Variants in PRDM15 observed in about 807,000 individuals in gnomAD.
PRDM15 encodes the protein PR domain zinc finger protein 15.
A neutral mutation model predicts 128.6 loss-of-function variants in PRDM15; 64 were observed. That is an observed-to-expected ratio of 0.50 (90% CI 0.41 to 0.61). The LOEUF (loss-of-function observed/expected upper bound fraction) is 0.61, where lower values mean the gene tolerates loss of function less well. PRDM15 is among the 20% of genes least tolerant of loss of function. The pLI, the probability that PRDM15 is intolerant of heterozygous loss-of-function variation, is 0.00. For missense variants in PRDM15, 1,242 were observed against 1,569.1 expected, an observed-to-expected ratio of 0.79 and a Z score of 3.52; for synonymous variants, 615 against 621.8, an observed-to-expected ratio of 0.99 and a Z score of 0.16.
At chr21:41,801,849 C>T (rs980276400) in intron 23 of PRDM15, 127 bp from the exon 24 acceptor site, 33 of 1,092,844 alleles carry the variant, frequency 3.0e-5, no homozygotes, top group South Asian at 2.1e-4. Flanking sequence ...AAGAGGAAAC[C>T]GAGTTAATTT....
chr21:41,842,080 TAATA>T (rs1429183952), intron 6 of PRDM15, among the ~76,000 whole-genome samples: 2 of 152,038 alleles, frequency 1.3e-5, no homozygotes, highest in African/African-American at 2.4e-5. Context: ...AAAAAGCAAA[TAATA>T]AATAAGAGCA....
chr21:41,828,828 C>A lies in PRDM15; in HGVS notation c.1367-495G>T, dbSNP rs946553656. 5.9e-5 allele frequency among the ~76,000 whole-genome samples: 9 copies of A among 152,032 alleles called. No homozygotes were observed. Among genetic ancestry groups the A allele is most frequent in the African/African-American group, 2.2e-4 (9 of 41,348 alleles). On this transcript the variant is annotated intron_variant, in intron 11 of 23. Coordinates refer to ENST00000398548, the MANE Select transcript of PRDM15 (RefSeq NM_001040424.3). This position sits in a 1 kb window ranked among gnomAD's most constrained non-coding sequence, Gnocchi z 5.7. ...TGTTGGCCCCTCCCAACTCCTTCCC[C>A]GTGGGCGGGCATCAATGTGCCCATA... is the stretch of plus-strand genomic sequence containing the variant.
intron 1 of PRDM15, among the ~76,000 whole-genome samples, chr21:41,866,016 C>T (rs1285102898): frequency 1.3e-5 from 2 of 152,184 alleles, no homozygotes; most frequent in Non-Finnish European, 2.9e-5. Flanking sequence ...TTTTGGATTA[C>T]AGGTATGAGA....
In PRDM15 at chr21:41,859,967, A is replaced by G. The variant is rs1031097519; in HGVS notation, c.38-282T>C. 1.3e-5 allele frequency among the ~76,000 whole-genome samples: 2 copies of G among 152,098 alleles called. No individual in the cohort carries two copies. Among genetic ancestry groups the G allele is most frequent in the Admixed American group, 6.5e-5 (1 of 15,276 alleles). On this transcript the variant is annotated intron_variant, in intron 2 of 23. Transcript: ENST00000398548. The surrounding 1 kb of genome is among the most constrained non-coding windows in gnomAD (Gnocchi z 5.3). ...CGCACGCCTCAAATCAAGCACGGTC[A>G]CCTCCATGGTGACGAAGACCAAGAC...
Position 41,859,729 on chromosome 21 carries a change from C to T in PRDM15, c.38-44G>A. 2 of 1,546,968 alleles carry T rather than the reference C, an allele frequency of 1.3e-6. No homozygotes were observed. Among genetic ancestry groups the T allele is most frequent in the Non-Finnish European group, 1.8e-6 (2 of 1,124,460 alleles). ...GCATTAGAGCACCCAGGGAGGGAGA[C>T]ACCTAAAGAACACAAACCTGGGAAA... On this transcript the variant is annotated intron_variant, in intron 2 of 23. Transcript: ENST00000398548. This position sits in a 1 kb window ranked among gnomAD's most constrained non-coding sequence, Gnocchi z 5.3.
At chr21:41,816,647 C>T (rs2146336561) in intron 18 of PRDM15, among the ~76,000 whole-genome samples, 1 of 152,318 alleles carries the variant, frequency 6.6e-6, no homozygotes, top group African/African-American at 2.4e-5. Flanking sequence ...TCCACCCTCA[C>T]CAGATGCAGG....
rs1021762895 is a variant in PRDM15, at chr21:41,832,427, C to G, written c.1366+3010G>C. Among the ~76,000 whole-genome samples, 3 of 151,924 alleles carry G rather than the reference C, an allele frequency of 2.0e-5. No homozygotes were observed. The highest frequency in any genetic ancestry group is 7.3e-5 in the African/African-American group (3 of 41,336). ...GCCACACCTTACAGCGCTGTGGCAT[C>G]GGATCACCACAGGCCACACCTTACA... On this transcript the variant is annotated intron_variant, in intron 11 of 23. Transcript: ENST00000398548. The surrounding 1 kb of genome is among the most constrained non-coding windows in gnomAD (Gnocchi z 4.2).
intron 6 of PRDM15, among the ~76,000 whole-genome samples, chr21:41,840,084 T>C (rs575515280): frequency 8.5e-5 from 13 of 152,236 alleles, no homozygotes; most frequent in South Asian, 6.2e-4. Context: ...GAGGGCAGTT[T>C]AGTGAAAAAA....
At chr21:41,822,082 G>A (rs746075928) in intron 14 of PRDM15, 45 bp from the exon 15 acceptor site, 17 of 1,610,106 alleles carry the variant, frequency 1.1e-5, no homozygotes, top group African/African-American at 6.7e-5. Context: ...CGCAGCAGAC[G>A]CTTCACTCAG....
chr21:41,815,908 C>T, intron 18 of PRDM15, 72 bp from the exon 19 acceptor site: 5 of 1,587,076 alleles, frequency 3.2e-6, no homozygotes, highest in Non-Finnish European at 4.3e-6. Flanking sequence ...GCCCGAGACC[C>T]TGGGGCAGGC....
In PRDM15 at chr21:41,806,257, ATCACCACCAC is replaced by A. The variant is rs1349544840; in HGVS notation, c.2653-1653_2653-1644del. Among the ~76,000 whole-genome samples the A allele has an allele frequency of 6.7e-3, 24 of 3,594 alleles. 5 individuals carry two copies. Among genetic ancestry groups the A allele is most frequent in the African/African-American group, 0.02 (5 of 256 alleles). The allele number at this position is 3,594 out of a possible 152,430, so 2.4% of individuals were successfully genotyped here. A position where few individuals can be genotyped will look rare whatever the true frequency, so the allele number is the denominator to read the frequency against. On this transcript the variant is annotated intron_variant, in intron 21 of 23. Coordinates refer to ENST00000398548, the MANE Select transcript of PRDM15 (RefSeq NM_001040424.3). ...CACTACCACCATCACCACCACCACCATCACCACCACCCATCACCACCACCACCATCACCAT... is the reference window on the plus strand; with the variant it reads ...CACTACCACCATCACCACCACCACCACCATCACCACCACCACCATCACCAT...
At chr21:41,873,778 C>T (rs1457968288) in intron 1 of PRDM15, among the ~76,000 whole-genome samples, 1 of 152,192 alleles carries the variant, frequency 6.6e-6, no homozygotes, top group Non-Finnish European at 1.5e-5. Context: ...GGCACGGTGG[C>T]TTATACCTGT....
At chr21:41,863,500 C>T (rs1280920112) in intron 1 of PRDM15, among the ~76,000 whole-genome samples, 1 of 152,160 alleles carries the variant, frequency 6.6e-6, no homozygotes, top group Non-Finnish European at 1.5e-5. Context: ...CACCTGCCAT[C>T]ACAGTAAGAC....
chr21:41,836,264 G>T, intron 9 of PRDM15, 57 bp from the exon 10 acceptor site: 1 of 1,508,298 alleles, frequency 6.6e-7, no homozygotes, highest in Non-Finnish European at 9.2e-7. Context: ...ACCGAGAGAA[G>T]CATGCCCACC....
intron 9 of PRDM15, 64 bp from the exon 10 acceptor site, chr21:41,836,271 C>T (rs902273702): frequency 6.7e-7 from 1 of 1,490,136 alleles, no homozygotes; most frequent in Non-Finnish European, 9.3e-7. Context: ...GAAGCATGCC[C>T]ACCGGGGAAA....
rs1171290695 is a variant in PRDM15 at position 41,854,798 on chromosome 21, G to A, written c.306C>T (p.His102=). The change falls in exon 5 of 24, where the codon CAC becomes CAT. Residue 102 remains histidine (H), a synonymous_variant. Transcript: ENST00000398548. The surrounding 1 kb of genome is among the most constrained non-coding windows in gnomAD (Gnocchi z 4.6). ...CGTTGGAGGTGTCGAAGCACACGGG[G>A]TGCCCGTCCTTCTGGAACACCTGAA... ...FPLKVFQKDG[H]PVCFDTSNED... is the part of the protein sequence containing the mutation. 6.2e-7 allele frequency: 1 copy of A among 1,602,954 alleles called. No homozygotes were observed.
chr21:41,874,525 A>ATATATATATATTTTTTTTTTT, intron 1 of PRDM15, among the ~76,000 whole-genome samples: 6 of 95,808 alleles, frequency 6.3e-5, no homozygotes, highest in Admixed American at 1.2e-4. Context: ...ATATATATAT[A>ATATATATATATTTTTTTTTTT]TTTTTTTTTT....
chr21:41,874,211 C>T (rs1184074926), intron 1 of PRDM15, among the ~76,000 whole-genome samples: 3 of 150,410 alleles, frequency 2.0e-5, no homozygotes, highest in African/African-American at 7.3e-5. Flanking sequence ...GAGGCTTGTG[C>T]GACCCTAGAG....
intron 19 of PRDM15, chr21:41,813,200 T>A (rs1159399419): frequency 6.6e-6 from 1 of 152,126 alleles, no homozygotes; most frequent in Non-Finnish European, 1.5e-5. Context: ...CTTAACTCAG[T>A]CCTGAGGGCT....
Sources: gnomAD v4.1 joint callset for allele counts (sites outside exome capture counted in the v4.1 genomes callset) on GRCh38, gnomAD v4.1.1 for gene constraint, Gnocchi (gnomAD v3.1) non-coding constraint, MANE v1.5 for transcripts, NCBI Gene and HGNC (gene_info 2026-07-23, HGNC 2026-07-21) for gene names.